The following STRIP2 variants were observed in gnomAD, a reference collection of about 807,000 sequenced individuals.
STRIP2 encodes striatin-interacting protein 2.
In STRIP2, 84 loss-of-function variants were observed where a neutral mutation model predicts 107.1. The observed-to-expected ratio is 0.78, with a 90% confidence interval of 0.66 to 0.94. The LOEUF (loss-of-function observed/expected upper bound fraction) is 0.94, where lower values mean the gene tolerates loss of function less well. STRIP2 is among the 40% of genes least tolerant of loss of function. The probability of loss-of-function intolerance (pLI) is 0.00; values close to 1 mark genes in which losing one functional copy is unlikely to be tolerated. For missense variants in STRIP2, 888 were observed against 1,034.2 expected, an observed-to-expected ratio of 0.86 and a Z score of 1.94; for synonymous variants, 394 against 400.4, an observed-to-expected ratio of 0.98 and a Z score of 0.19.
intron 12 of STRIP2, 103 bp from the exon 13 acceptor site, chr7:129,460,198 C>A: frequency 2.0e-6 from 2 of 1,021,896 alleles, no homozygotes; most frequent in East Asian, 5.0e-5. Context: ...GTAACAAACC[C>A]ATAAGCAGAA....
rs1200260189 is a variant in STRIP2 at position 129,456,520 on chromosome 7, G to C, written c.916G>C (p.Asp306His). 1.9e-6 allele frequency: 3 copies of C among 1,614,080 alleles called. No homozygotes were observed. The highest frequency in any genetic ancestry group is 4.5e-5 in the East Asian group (2 of 44,878). Residue 306 changes from aspartate to histidine, a missense_variant, in exon 9 of 21, where the codon GAC becomes CAC. Transcript: ENST00000249344. ...ATTGGGCCTGCCTCCACTGGCTGAA[G>C]ACAGTATCCAGGTGGTGAAGAGCAT... ...AELGLPPLAEDSIQVVKSMRA... is the reference protein window; with the variant it reads ...AELGLPPLAEHSIQVVKSMRA...
intron 6 of STRIP2, 77 bp from the exon 7 acceptor site, chr7:129,454,344 A>G (rs1798280441): frequency 1.4e-6 from 2 of 1,466,792 alleles, no homozygotes. Flanking sequence ...GGCTTCCCAC[A>G]GAGACCATCT....
intron 17 of STRIP2, 94 bp downstream of exon 17, chr7:129,467,544 C>CT (rs1265974090): frequency 2.6e-6 from 2 of 775,756 alleles, no homozygotes; most frequent in African/African-American, 3.5e-5. Context: ...CCTGGTGTCC[C>CT]TAGTCCCTCC....
chr7:129,474,233 C>CA (rs1411979481), intron 18 of STRIP2, among the ~76,000 whole-genome samples: 1 of 151,878 alleles, frequency 6.6e-6, no homozygotes, highest in Non-Finnish European at 1.5e-5. Flanking sequence ...CTTGACCTCC[C>CA]AGGGTCAAAT....
intron 18 of STRIP2, among the ~76,000 whole-genome samples, chr7:129,475,717 C>G (rs572054182): frequency 6.6e-6 from 1 of 151,992 alleles, no homozygotes; most frequent in East Asian, 1.9e-4. Context: ...TGCGGCCTAC[C>G]GCAGTGTTTG....
At chr7:129,470,472 A>G (rs545741504) in intron 17 of STRIP2, among the ~76,000 whole-genome samples, 177 bp from the exon 18 acceptor site, 1 of 152,330 alleles carries the variant, frequency 6.6e-6, no homozygotes, top group Admixed American at 6.5e-5. Context: ...ATGACAGGAA[A>G]GGAGACTGGA....
intron 18 of STRIP2, among the ~76,000 whole-genome samples, chr7:129,476,351 C>T (rs1291427015): frequency 1.4e-5 from 2 of 141,224 alleles, no homozygotes; most frequent in African/African-American, 5.2e-5. Flanking sequence ...GGGGCGGCTG[C>T]CGGGCGGAGG....
At chr7:129,482,787 A>G (rs1799159623) in intron 19 of STRIP2, 55 bp from the exon 20 acceptor site, 17 of 1,599,742 alleles carry the variant, frequency 1.1e-5, no homozygotes, top group Non-Finnish European at 1.5e-5. Context: ...TTGTCTGTAA[A>G]CTGGAAATTC....
chr7:129,464,736 C>G lies in STRIP2; in HGVS notation c.1774C>G (p.Gln592Glu). The G allele has an allele frequency of 6.2e-7, 1 of 1,614,106 alleles. No homozygotes were observed. The highest frequency in any genetic ancestry group is 8.5e-7 in the Non-Finnish European group (1 of 1,179,984). The change falls in exon 16 of 21, where the codon CAG becomes GAG. Residue 592 changes from glutamine to glutamate, a missense_variant and splice_region_variant. By Grantham distance (29) the Gln-to-Glu change is conservative. Transcript: ENST00000249344. ...LKHFKLNHIY[Q>E]FEYVSQHLVF... ...ACACTTCAAACTCAACCATATCTAC[C>G]AGGTGAGCAGCTAGGAGCACTTCTC...
intron 16 of STRIP2, among the ~76,000 whole-genome samples, chr7:129,465,913 A>C (rs945704831): frequency 6.6e-6 from 1 of 152,230 alleles, no homozygotes; most frequent in Non-Finnish European, 1.5e-5. Flanking sequence ...CTCAGAGTAC[A>C]GAGAGGCTTC....
chr7:129,456,400 C>A, intron 8 of STRIP2, 39 bp from the exon 9 acceptor site: 3 of 1,591,128 alleles, frequency 1.9e-6, no homozygotes, highest in Non-Finnish European at 2.6e-6. Flanking sequence ...TACTTCCCTT[C>A]CTTCCTCTCT....
At chr7:129,455,511 A>G in intron 8 of STRIP2, 140 bp downstream of exon 8, 15 of 1,014,226 alleles carry the variant, frequency 1.5e-5, no homozygotes, top group Non-Finnish European at 2.1e-5. Flanking sequence ...TGGAGGGGCA[A>G]CAAGGCTGTC....
At chr7:129,445,916 C>G (rs1562896389) in intron 3 of STRIP2, among the ~76,000 whole-genome samples, 1 of 152,144 alleles carries the variant, frequency 6.6e-6, no homozygotes, top group Non-Finnish European at 1.5e-5. Context: ...AGTGTCTATT[C>G]TAGTGAGGAC....
At chr7:129,452,117 GGA>G (rs1798210390) in intron 4 of STRIP2, among the ~76,000 whole-genome samples, 1 of 152,148 alleles carries the variant, frequency 6.6e-6, no homozygotes, top group African/African-American at 2.4e-5. Context: ...CCAAAACTGA[GGA>G]GAAATAGGAG....
chr7:129,475,598 G>C (rs1798901900), intron 18 of STRIP2, among the ~76,000 whole-genome samples: 1 of 144,316 alleles, frequency 6.9e-6, no homozygotes, highest in African/African-American at 2.6e-5. Flanking sequence ...ATCATTCTTG[G>C]GTGTTTCTCG....
intron 18 of STRIP2, among the ~76,000 whole-genome samples, chr7:129,474,899 C>T (rs988502586): frequency 6.6e-6 from 1 of 152,170 alleles, no homozygotes; most frequent in African/African-American, 2.4e-5. Context: ...GCATGATGAA[C>T]ATGAAATAAA....
chr7:129,448,086 T>G (rs532675332), intron 3 of STRIP2, among the ~76,000 whole-genome samples: 4 of 152,138 alleles, frequency 2.6e-5, no homozygotes, highest in African/African-American at 4.8e-5. Flanking sequence ...GGAGCCACTG[T>G]GGGGGTTCTG....
At position 129,464,324 on chromosome 7, in the gene STRIP2, C is replaced by T. The variant is rs1035329945; in HGVS notation, c.1649+183C>T. ...GCTTGGCTCTTTTTAGCTCAGAACT[C>T]TGGATCTGGAGGGTGACACCAGTGC... is the stretch of plus-strand genomic sequence containing the variant. On this transcript the variant is annotated intron_variant, in intron 15 of 20. Coordinates refer to ENST00000249344, the MANE Select transcript of STRIP2 (RefSeq NM_020704.3). Among the ~76,000 whole-genome samples, 13 of 152,104 alleles carry T rather than the reference C, an allele frequency of 8.5e-5. No individual in the cohort carries two copies. The South Asian group carries it at 1.7e-3, about 19-fold the overall frequency.
chr7:129,447,737 G>A (rs973133122), intron 3 of STRIP2, among the ~76,000 whole-genome samples: 2 of 152,212 alleles, frequency 1.3e-5, no homozygotes, highest in Non-Finnish European at 2.9e-5. Flanking sequence ...CAATGACCAC[G>A]TACCAGGTAC....
Sources: allele counts gnomAD v4.1 joint callset (sites outside exome capture counted in the v4.1 genomes callset), GRCh38; gene constraint gnomAD v4.1.1; transcripts MANE v1.5; gene names NCBI Gene and HGNC (gene_info 2026-07-23, HGNC 2026-07-21).